Variants in CHST9 observed in about 807,000 individuals in gnomAD.
CHST9 encodes carbohydrate sulfotransferase 9.
In CHST9, 41 loss-of-function variants were observed where a neutral mutation model predicts 44.4. The ratio of observed to expected loss-of-function variants is 0.92; its 90% CI spans 0.72 to 1.20. The LOEUF is 1.20. Ranked by LOEUF, CHST9 falls within the 50% of genes most tolerant of loss-of-function variation. CHST9 has a pLI of 0.00. For missense variants in CHST9, 504 were observed against 516.5 expected (o/e 0.98, Z 0.23); for synonymous variants, 171 against 178.4 (o/e 0.96, Z 0.33).
At chr18:26,928,568 TA>T (rs2055819170) in intron 5 of CHST9, among the ~76,000 whole-genome samples, 1 of 152,206 alleles carries the variant, frequency 6.6e-6, no homozygotes, top group South Asian at 2.1e-4. Flanking sequence ...GTTATTAATT[TA>T]GTGTTGATTC....
intron 2 of CHST9, among the ~76,000 whole-genome samples, chr18:27,107,342 G>A (rs1463675260): frequency 6.6e-6 from 1 of 152,154 alleles, no homozygotes; most frequent in Non-Finnish European, 1.5e-5. Context: ...GAGCTGATGA[G>A]GGTTCCCTGG....
chr18:27,063,421 A>G (rs756046055), intron 2 of CHST9, among the ~76,000 whole-genome samples: 4 of 152,244 alleles, frequency 2.6e-5, no homozygotes, highest in African/African-American at 7.2e-5. Flanking sequence ...ATACAAATAA[A>G]TTAAATACAA....
chr18:27,185,267 C>T lies in CHST9; in HGVS notation c.-228G>A, dbSNP rs537876176. ...CGTGAGGTGGCTGAGAGCGGAGCGC[C>T]GCGCCGGGAGCGGGGACAGCTCGGA... On this transcript the variant is annotated 5_prime_UTR_variant, in exon 1 of 6. Transcript: ENST00000618847. 0.012 allele frequency: 1,809 copies of T among 151,966 alleles called. 23 individuals carry two copies. Among genetic ancestry groups the T allele is most frequent in the South Asian group, 0.034 (165 of 4,834 alleles). The allele number at this position is 151,966 out of a possible 1,614,324, so 9.4% of individuals were successfully genotyped here.
In CHST9 at chr18:27,018,908, C is replaced by A. The variant is rs945407801; in HGVS notation, c.202+5208G>T. Among the ~76,000 whole-genome samples, 7 of 152,274 alleles carry A rather than the reference C, an allele frequency of 4.6e-5. No individual in the cohort carries two copies. The East Asian group carries it at 1.2e-3, about 25-fold the overall frequency. On this transcript the variant is annotated intron_variant, in intron 4 of 5. Coordinates refer to ENST00000618847, the MANE Select transcript of CHST9 (RefSeq NM_031422.6). ...GGTACCGGCCCTCTTTACCCTCTAA[C>A]CTTCGTGACAACCACACCCTTGATT...
Position 27,126,303 on chromosome 18 carries a change from G to T in CHST9, c.121+16386C>A, listed in dbSNP as rs2058423212. ...TTGAGTTAACAAAATCCTACCAGTTGTGGCCAAGGAACACATATGTTAGGC... is the reference window on the plus strand; with the variant it reads ...TTGAGTTAACAAAATCCTACCAGTTTTGGCCAAGGAACACATATGTTAGGC... On this transcript the variant is annotated intron_variant, in intron 2 of 5. Coordinates refer to ENST00000618847, the MANE Select transcript of CHST9 (RefSeq NM_031422.6). 5.9e-5 allele frequency among the ~76,000 whole-genome samples: 9 copies of T among 152,192 alleles called. No individual in the cohort carries two copies. The South Asian group carries it at 1.9e-3, about 31-fold the overall frequency.
In CHST9 at chr18:27,048,594, A is replaced by G. The variant is rs2057531688; in HGVS notation, c.122-91T>C. ...AAGCCCAGTTTACAGCAATTTCCAAACACAACCTCTACTTCAGCCATGTCC... is the reference window on the plus strand; with the variant it reads ...AAGCCCAGTTTACAGCAATTTCCAAGCACAACCTCTACTTCAGCCATGTCC... On this transcript the variant is annotated intron_variant, in intron 2 of 5. Coordinates refer to ENST00000618847, the MANE Select transcript of CHST9 (RefSeq NM_031422.6). 15 of 1,047,208 alleles carry G rather than the reference A, an allele frequency of 1.4e-5. No homozygotes were observed. The South Asian group carries it at 1.8e-4, about 12-fold the overall frequency. The allele number at this position is 1,047,208 out of a possible 1,614,324, so 64.9% of individuals were successfully genotyped here.
intron 4 of CHST9, among the ~76,000 whole-genome samples, chr18:27,011,349 A>T (rs534732173): frequency 1.3e-4 from 20 of 152,346 alleles, no homozygotes; most frequent in African/African-American, 4.6e-4. Flanking sequence ...CAAACAGTTC[A>T]TAGAATCAGG....
intron 3 of CHST9, among the ~76,000 whole-genome samples, chr18:27,044,729 AG>A (rs1406923956): frequency 6.6e-5 from 10 of 152,186 alleles, no homozygotes; most frequent in African/African-American, 2.2e-4. Context: ...AAATAGAAAT[AG>A]CCTAGAGAAA....
At chr18:26,965,691 G>A (rs963374581) in intron 4 of CHST9, among the ~76,000 whole-genome samples, 11 of 152,168 alleles carry the variant, frequency 7.2e-5, no homozygotes, top group African/African-American at 2.7e-4. Context: ...ATCTAGAAGA[G>A]CTTAACACAT....
At chr18:26,919,832 C>A (rs555429381) in intron 5 of CHST9, among the ~76,000 whole-genome samples, 1 of 152,126 alleles carries the variant, frequency 6.6e-6, no homozygotes, top group African/African-American at 2.4e-5. Flanking sequence ...TTGGCTGACT[C>A]CCAACACTCT....
intron 1 of CHST9, among the ~76,000 whole-genome samples, chr18:27,146,938 AT>A: frequency 6.6e-6 from 1 of 152,320 alleles, no homozygotes; most frequent in South Asian, 2.1e-4. Flanking sequence ...TTTAAAAATT[AT>A]TTTTTTAAAT....
chr18:27,063,939 G>T (rs1340627251), intron 2 of CHST9, among the ~76,000 whole-genome samples: 3 of 152,008 alleles, frequency 2.0e-5, no homozygotes, highest in Non-Finnish European at 2.9e-5. Context: ...CATCTTAATG[G>T]GGTGGCTCTG....
chr18:27,019,574 G>T (rs538211421), intron 4 of CHST9, among the ~76,000 whole-genome samples: 2 of 150,428 alleles, frequency 1.3e-5, no homozygotes, highest in South Asian at 2.1e-4. Context: ...TCAAGTTTTA[G>T]ATTCTGCTTT....
chr18:27,035,976 TC>T (rs1266214519), intron 3 of CHST9, among the ~76,000 whole-genome samples: 8 of 152,096 alleles, frequency 5.3e-5, no homozygotes, highest in Admixed American at 1.3e-4. Context: ...TATCAAAACA[TC>T]AAATTGTACA....
intron 4 of CHST9, chr18:26,952,413 C>T: frequency 4.6e-6 from 2 of 436,078 alleles, no homozygotes; most frequent in Non-Finnish European, 8.9e-6. Context: ...TAGAGACTGC[C>T]TTTGCACCAT....
intron 3 of CHST9, among the ~76,000 whole-genome samples, chr18:27,032,873 C>T (rs1184604191): frequency 1.3e-5 from 2 of 152,166 alleles, no homozygotes; most frequent in Non-Finnish European, 2.9e-5. Flanking sequence ...TAGTTTGAAA[C>T]GAGAGCCTGC....
chr18:26,924,500 C>G, intron 5 of CHST9: 2 of 377,860 alleles, frequency 5.3e-6, no homozygotes, highest in Non-Finnish European at 7.3e-6. Context: ...GATTCATGGG[C>G]CTTGAAGGCA....
intron 1 of CHST9, among the ~76,000 whole-genome samples, chr18:27,181,997 TAATTAGAAAGGCAACTTGCCCAC>T (rs1348425889): frequency 6.6e-6 from 1 of 152,144 alleles, no homozygotes; most frequent in African/African-American, 2.4e-5. Context: ...CACAAGAAAA[TAATTAGAAAGGCAACTTGCCCAC>T]AATAACAATG....
In CHST9 at chr18:26,992,080, T is replaced by C. The variant is rs1043883878; in HGVS notation, c.202+32036A>G. Reference sequence around the variant, plus strand: ...TGTTATCTGTCACTTATGTTCTTGTTCATATCCCACCCTGTTCCTATGTTT... The same window carrying C: ...TGTTATCTGTCACTTATGTTCTTGTCCATATCCCACCCTGTTCCTATGTTT... On this transcript the variant is annotated intron_variant, in intron 4 of 5. Coordinates refer to ENST00000618847, the MANE Select transcript of CHST9 (RefSeq NM_031422.6). 2.4e-5 allele frequency among the ~76,000 whole-genome samples: 3 copies of C among 127,382 alleles called. 1 individual carries two copies. Among genetic ancestry groups the C allele is most frequent in the Non-Finnish European group, 5.4e-5 (3 of 55,722 alleles). 83.6% of individuals were successfully genotyped at this position (127,382 alleles called of 152,430 possible).
Sources: gnomAD v4.1 joint callset for allele counts (sites outside exome capture counted in the v4.1 genomes callset) on GRCh38, gnomAD v4.1.1 for gene constraint, MANE v1.5 for transcripts, NCBI Gene and HGNC (gene_info 2026-07-23, HGNC 2026-07-21) for gene names.